Variants in DLG2 observed in about 807,000 individuals in gnomAD.
DLG2 encodes the protein discs large MAGUK scaffold protein 2.
Under a neutral mutation model 132.5 loss-of-function variants are expected in DLG2, and 45 were observed. The observed-to-expected ratio is 0.34, with a 90% confidence interval of 0.27 to 0.44. The LOEUF (loss-of-function observed/expected upper bound fraction) is 0.44, where lower values mean the gene tolerates loss of function less well. Among genes scored for constraint, DLG2 ranks in the 20% least tolerant of loss-of-function variants. The pLI is 1.00. For missense variants in DLG2, 1,045 were observed against 1,196.9 expected (o/e 0.87, Z 1.87); for synonymous variants, 424 against 419.6 (o/e 1.01, Z -0.13).
intron 6 of DLG2, among the ~76,000 whole-genome samples, chr11:84,954,749 A>G (rs1324789013): frequency 2.0e-5 from 3 of 152,150 alleles, no homozygotes; most frequent in East Asian, 1.9e-4. Flanking sequence ...TAATTCCATA[A>G]GGATTGAGAT....
intron 7 of DLG2, among the ~76,000 whole-genome samples, chr11:84,269,838 T>C (rs183481848): frequency 1.4e-4 from 21 of 152,296 alleles, no homozygotes; most frequent in African/African-American, 4.6e-4. Flanking sequence ...GTTAGCAGTA[T>C]AAGGAAAACC....
At chr11:85,024,049 T>C in intron 6 of DLG2, among the ~76,000 whole-genome samples, 1 of 152,158 alleles carries the variant, frequency 6.6e-6, no homozygotes, top group Non-Finnish European at 1.5e-5. Context: ...TATGTATATA[T>C]ACACTGTTCT....
At chr11:84,374,462 T>C (rs1224758099) in intron 7 of DLG2, among the ~76,000 whole-genome samples, 5 of 152,188 alleles carry the variant, frequency 3.3e-5, no homozygotes, top group Non-Finnish European at 7.4e-5. Context: ...TTTCTTAAAA[T>C]ATAATGAGAT....
intron 14 of DLG2, among the ~76,000 whole-genome samples, chr11:83,945,806 CTGTG>C (rs56913664): frequency 0.016 from 2,221 of 136,352 alleles, 47 homozygotes; most frequent in African/African-American, 0.058. Flanking sequence ...AGAAATGCCT[CTGTG>C]TGTGTGTGTG....
At chr11:85,548,436 G>A (rs1565670136) in intron 3 of DLG2, among the ~76,000 whole-genome samples, 1 of 152,180 alleles carries the variant, frequency 6.6e-6, no homozygotes, top group African/African-American at 2.4e-5. Context: ...CCCCTACTGG[G>A]AGGTGTCTCC....
At chr11:85,470,993 A>C (rs1261747077) in intron 3 of DLG2, among the ~76,000 whole-genome samples, 2 of 152,240 alleles carry the variant, frequency 1.3e-5, no homozygotes, top group Non-Finnish European at 2.9e-5. Flanking sequence ...AAGTGTAAGT[A>C]CCCAGGACTC....
At chr11:85,424,326 T>A (rs1436029833) in intron 3 of DLG2, among the ~76,000 whole-genome samples, 3 of 152,170 alleles carry the variant, frequency 2.0e-5, no homozygotes, top group African/African-American at 7.2e-5. Context: ...TCTCTCAGGT[T>A]TCCTGATTTA....
At chr11:85,099,715 T>C (rs2070537896) in intron 6 of DLG2, among the ~76,000 whole-genome samples, 1 of 152,182 alleles carries the variant, frequency 6.6e-6, no homozygotes, top group African/African-American at 2.4e-5. Context: ...AGCTGGTCTA[T>C]AAATAGCCAC....
At chr11:84,115,653 C>T (rs1218775569) in intron 9 of DLG2, among the ~76,000 whole-genome samples, 3 of 152,206 alleles carry the variant, frequency 2.0e-5, no homozygotes, top group African/African-American at 7.2e-5. Flanking sequence ...ATATCTACCT[C>T]TAGCATTTTT....
intron 6 of DLG2, among the ~76,000 whole-genome samples, chr11:84,824,902 G>GA (rs1393571994): frequency 2.6e-5 from 4 of 151,826 alleles, no homozygotes; most frequent in African/African-American, 9.7e-5. Context: ...ATATTATAGG[G>GA]AATTAAGCAT....
intron 6 of DLG2, among the ~76,000 whole-genome samples, chr11:84,853,033 A>G (rs1259943983): frequency 6.6e-6 from 1 of 152,040 alleles, no homozygotes; most frequent in Non-Finnish European, 1.5e-5. Flanking sequence ...GGTGCTTCAC[A>G]CAGTTTCCTC....
intron 6 of DLG2, among the ~76,000 whole-genome samples, chr11:84,741,464 C>T (rs1342740656): frequency 1.3e-5 from 2 of 151,940 alleles, no homozygotes; most frequent in African/African-American, 4.8e-5. Flanking sequence ...TAAGAAACAA[C>T]CTAATAAATC....
intron 6 of DLG2, among the ~76,000 whole-genome samples, chr11:84,824,681 A>G (rs2078112858): frequency 6.6e-6 from 1 of 151,916 alleles, no homozygotes; most frequent in Admixed American, 6.6e-5. Context: ...AAGGTTTTGC[A>G]TCTTGTCAGA....
At chr11:83,844,728 C>T (rs1374204734) in intron 16 of DLG2, among the ~76,000 whole-genome samples, 4 of 151,836 alleles carry the variant, frequency 2.6e-5, no homozygotes, top group South Asian at 4.2e-4. Context: ...GCTGTGAGGT[C>T]GAGGTGATCT....
At position 83,633,697 on chromosome 11, in the gene DLG2, C is replaced by T. The variant is rs74849527; in HGVS notation, c.1826-372G>A. 8.8e-3 allele frequency among the ~76,000 whole-genome samples: 1,322 copies of T among 150,532 alleles called. 23 individuals are homozygous for T. Among genetic ancestry groups the T allele is most frequent in the African/African-American group, 0.031 (1,260 of 40,920 alleles). Reference sequence around the variant, plus strand: ...GGAAATGTTCTCTATCTTGCCTGCACGGTGGATATTGGTAACTGCACGTGT... The same window carrying T: ...GGAAATGTTCTCTATCTTGCCTGCATGGTGGATATTGGTAACTGCACGTGT... On this transcript the variant is annotated intron_variant, in intron 18 of 27. Coordinates refer to ENST00000376104, the MANE Select transcript of DLG2 (RefSeq NM_001142699.3).
At chr11:85,133,377 G>A (rs1258945872) in intron 5 of DLG2, among the ~76,000 whole-genome samples, 1 of 152,042 alleles carries the variant, frequency 6.6e-6, no homozygotes, top group Non-Finnish European at 1.5e-5. Context: ...ATGATTGCCG[G>A]GAGTCTAAAT....
intron 10 of DLG2, among the ~76,000 whole-genome samples, chr11:84,086,823 A>T (rs1379857029): frequency 6.6e-6 from 1 of 152,072 alleles, no homozygotes; most frequent in East Asian, 1.9e-4. Context: ...AAGAAATCTT[A>T]TATCTATTAC....
rs1282611762 is a variant in DLG2 at position 83,963,006 on chromosome 11, C to G, written c.1219G>C (p.Glu407Gln). The stretch of plus-strand genomic sequence containing the variant: ...TTGTTGCCAGAGAGTAGATGGTTTT[C>G]CATTGGTGGAGAATAAGCTAAGAGG... ...DITHSYSPPM[E>Q]NHLLSGNNGT... Residue 407 changes from glutamate (E) to glutamine (Q), a missense_variant, in exon 14 of 28, where the codon GAA (glutamate) becomes CAA (glutamine). By Grantham distance (29) the Glu-to-Gln change is conservative. Coordinates refer to ENST00000376104, the MANE Select transcript of DLG2 (RefSeq NM_001142699.3). 1.2e-6 allele frequency: 2 copies of G among 1,612,450 alleles called. No homozygotes were observed. Among genetic ancestry groups the G allele is most frequent in the African/African-American group, 2.7e-5 (2 of 74,782 alleles).
intron 6 of DLG2, among the ~76,000 whole-genome samples, chr11:84,831,616 T>C (rs1437887071): frequency 1.3e-5 from 2 of 151,630 alleles, no homozygotes; most frequent in African/African-American, 2.4e-5. Context: ...ACTTTCTCCC[T>C]ACCCCTGAAT....
Sources: allele counts gnomAD v4.1 joint callset (sites outside exome capture counted in the v4.1 genomes callset), GRCh38; gene constraint gnomAD v4.1.1; transcripts MANE v1.5; gene names NCBI Gene and HGNC (gene_info 2026-07-23, HGNC 2026-07-21).